Variants in PAK2 observed in about 807,000 individuals in gnomAD.
PAK2 encodes the protein serine/threonine-protein kinase PAK 2.
A neutral mutation model predicts 65.9 loss-of-function variants in PAK2; 21 were observed. That is an observed-to-expected ratio of 0.32 (90% CI 0.23 to 0.46). PAK2 has a LOEUF of 0.46. PAK2 is among the 20% of genes least tolerant of loss of function. The pLI, the probability that PAK2 is intolerant of heterozygous loss-of-function variation, is 1.00. For missense variants in PAK2, 324 were observed against 642.6 expected (o/e 0.50, Z 5.36); for synonymous variants, 204 against 219.7 (o/e 0.93, Z 0.63).
At chr3:196,747,628 T>C (rs1205397948) in intron 1 of PAK2, among the ~76,000 whole-genome samples, 2 of 152,186 alleles carry the variant, frequency 1.3e-5, no homozygotes, top group Non-Finnish European at 2.9e-5. Flanking sequence ...CTATGAAAAC[T>C]TAGAACATTT....
At chr3:196,819,299 G>A (rs1417685404) in intron 12 of PAK2, among the ~76,000 whole-genome samples, 3 of 151,998 alleles carry the variant, frequency 2.0e-5, no homozygotes, top group African/African-American at 4.8e-5. Flanking sequence ...ACAATTAGCC[G>A]GGCGTGGTGG....
intron 2 of PAK2, among the ~76,000 whole-genome samples, chr3:196,785,932 T>C (rs1714874559): frequency 6.6e-6 from 1 of 152,184 alleles, no homozygotes; most frequent in Non-Finnish European, 1.5e-5. Flanking sequence ...AGATGAGATT[T>C]GGGTGGGGAC....
chr3:196,754,948 G>C (rs538783623), intron 1 of PAK2, among the ~76,000 whole-genome samples: 1 of 152,214 alleles, frequency 6.6e-6, no homozygotes, highest in South Asian at 2.1e-4. Flanking sequence ...GCGATGGCTA[G>C]TAGGGAGAGA....
intron 2 of PAK2, among the ~76,000 whole-genome samples, chr3:196,792,532 A>G (rs758752978): frequency 1.1e-4 from 17 of 152,192 alleles, no homozygotes; most frequent in Non-Finnish European, 2.1e-4. Context: ...TTACATGCCT[A>G]GAGAGGAGAT....
rs1313931559 is a variant in PAK2, at chr3:196,829,799, A to G, written c.*1394A>G. ...GACTATTGTAAAAAACGAGAAAGGAAAATGAAATGTGCGTGTTGATAGCAA... is the reference window on the plus strand; with the variant it reads ...GACTATTGTAAAAAACGAGAAAGGAGAATGAAATGTGCGTGTTGATAGCAA... On this transcript the variant is annotated 3_prime_UTR_variant, in exon 15 of 15. Coordinates refer to ENST00000327134, the MANE Select transcript of PAK2 (RefSeq NM_002577.4). The G allele has an allele frequency of 1.3e-5, 2 of 152,208 alleles. No individual in the cohort carries two copies. Among genetic ancestry groups the G allele is most frequent in the Admixed American group, 6.5e-5 (1 of 15,272 alleles). The allele number at this position is 152,208 out of a possible 1,614,324, so 9.4% of individuals were successfully genotyped here.
At chr3:196,790,836 G>A (rs917309197) in intron 2 of PAK2, among the ~76,000 whole-genome samples, 1 of 152,124 alleles carries the variant, frequency 6.6e-6, no homozygotes, top group Non-Finnish European at 1.5e-5. Context: ...TCACCTGGTC[G>A]CCCCCACCCT....
rs1712054008 is a variant in PAK2, at chr3:196,830,822, TATTA to T, written c.*2421_*2424del. 1 of 152,254 alleles carries T rather than the reference TATTA, an allele frequency of 6.6e-6. No homozygotes were observed. Among genetic ancestry groups the T allele is most frequent in the Non-Finnish European group, 1.5e-5 (1 of 68,042 alleles). 9.4% of individuals were successfully genotyped at this position (152,254 alleles called of 1,614,324 possible). A position where few individuals can be genotyped will look rare whatever the true frequency, so the allele number is the denominator to read the frequency against. The stretch of plus-strand genomic sequence containing the variant: ...TTAAAAGTAATACAGAATTGTGATT[TATTA>T]ATTTTAAAACATTCAGAACTTGTTG... On this transcript the variant is annotated 3_prime_UTR_variant, in exon 15 of 15. Transcript: ENST00000327134.
intron 1 of PAK2, among the ~76,000 whole-genome samples, chr3:196,752,746 G>A (rs577603693): frequency 5.9e-5 from 9 of 151,824 alleles, no homozygotes; most frequent in Admixed American, 2.0e-4. Flanking sequence ...GATTACAGGC[G>A]TGTACCACCA....
At chr3:196,741,705 C>T (rs778572063) in intron 1 of PAK2, among the ~76,000 whole-genome samples, 4 of 152,206 alleles carry the variant, frequency 2.6e-5, no homozygotes, top group Non-Finnish European at 4.4e-5. Flanking sequence ...CAATACTCAG[C>T]TTCAATACTG....
intron 10 of PAK2, among the ~76,000 whole-genome samples, chr3:196,813,948 C>T (rs59120169): frequency 0.13 from 19,857 of 151,980 alleles, 1,616 homozygotes; most frequent in African/African-American, 0.23. Context: ...GACTCTGTCT[C>T]AAAAAAATAA....
intron 11 of PAK2, among the ~76,000 whole-genome samples, chr3:196,816,204 A>T (rs78070002): frequency 6.6e-6 from 1 of 152,194 alleles, no homozygotes; most frequent in Non-Finnish European, 1.5e-5. Flanking sequence ...TGACATGTGA[A>T]TTACAAACTT....
intron 11 of PAK2, among the ~76,000 whole-genome samples, chr3:196,817,156 A>ATTTTT (rs11314877): frequency 9.4e-5 from 8 of 84,766 alleles, no homozygotes; most frequent in Admixed American, 3.1e-4. Context: ...GAAAGAGGCA[A>ATTTTT]TTTTTTTTTT....
intron 4 of PAK2, among the ~76,000 whole-genome samples, chr3:196,804,995 A>G (rs1715542136): frequency 6.6e-6 from 1 of 152,092 alleles, no homozygotes; most frequent in Non-Finnish European, 1.5e-5. Flanking sequence ...TTCTGGAGAA[A>G]GTATCTTTAT....
intron 10 of PAK2, among the ~76,000 whole-genome samples, 181 bp downstream of exon 10, chr3:196,813,032 A>G (rs1715878434): frequency 6.6e-6 from 1 of 152,142 alleles, no homozygotes; most frequent in East Asian, 1.9e-4. Flanking sequence ...CTGCAAGGAC[A>G]TCACTTGGCA....
chr3:196,801,796 G>T (rs937692967), intron 2 of PAK2, 131 bp from the exon 3 acceptor site: 90 of 565,606 alleles, frequency 1.6e-4, no homozygotes, highest in African/African-American at 1.6e-3. Context: ...TTGCACCACT[G>T]CACTCCAGCC....
chr3:196,804,822 T>TAC (rs1715532044), intron 4 of PAK2, among the ~76,000 whole-genome samples: 3 of 10,648 alleles, frequency 2.8e-4, no homozygotes, highest in South Asian at 1.6e-3. Context: ...TATATATATA[T>TAC]ATACACATAT....
intron 10 of PAK2, among the ~76,000 whole-genome samples, chr3:196,813,657 A>G (rs1472623564): frequency 6.6e-6 from 1 of 152,052 alleles, no homozygotes; most frequent in East Asian, 1.9e-4. Context: ...TGTTCATAGA[A>G]ATAAACTTTT....
chr3:196,748,616 A>G (rs1015437438), intron 1 of PAK2, among the ~76,000 whole-genome samples: 2 of 152,194 alleles, frequency 1.3e-5, no homozygotes, highest in African/African-American at 4.8e-5. Context: ...TTCACTTAGC[A>G]GTATGCATCT....
chr3:196,793,751 A>G (rs1274561446), intron 2 of PAK2, among the ~76,000 whole-genome samples: 1 of 152,260 alleles, frequency 6.6e-6, no homozygotes, highest in Non-Finnish European at 1.5e-5. Flanking sequence ...TCAGAGAACA[A>G]TGGAAAACAG....
Sources: gnomAD v4.1 joint callset for allele counts (sites outside exome capture counted in the v4.1 genomes callset) on GRCh38, gnomAD v4.1.1 for gene constraint, MANE v1.5 for transcripts, NCBI Gene and HGNC (gene_info 2026-07-23, HGNC 2026-07-21) for gene names.